Variants in TNKS observed in about 807,000 individuals in gnomAD.
TNKS encodes the protein tankyrase.
TNKS carries 72 observed loss-of-function variants against 135.8 expected under a neutral mutation model. The observed-to-expected ratio is 0.53, with a 90% CI of 0.44 to 0.64. TNKS has a LOEUF of 0.64. TNKS is among the 30% of genes least tolerant of loss of function. The pLI, the probability that TNKS is intolerant of heterozygous loss-of-function variation, is 0.00. For synonymous variants in TNKS, 849 were observed against 649.3 expected, an observed-to-expected ratio of 1.31 and a Z score of -4.68; for missense variants, 1,769 against 1,674.0, an observed-to-expected ratio of 1.06 and a Z score of -0.99.
At chr8:9,630,551 G>C (rs549197946) in intron 3 of TNKS, among the ~76,000 whole-genome samples, 1 of 152,210 alleles carries the variant, frequency 6.6e-6, no homozygotes, top group South Asian at 2.1e-4. Context: ...TAATTAGATA[G>C]TTACAAAAAA....
At chr8:9,640,116 G>C (rs1305331209) in intron 3 of TNKS, among the ~76,000 whole-genome samples, 3 of 152,108 alleles carry the variant, frequency 2.0e-5, no homozygotes, top group Admixed American at 6.6e-5. Flanking sequence ...CAAAGTTAGG[G>C]TTTCCTTAAA....
intron 1 of TNKS, among the ~76,000 whole-genome samples, chr8:9,564,048 A>G (rs941075949): frequency 6.6e-6 from 1 of 152,222 alleles, no homozygotes; most frequent in African/African-American, 2.4e-5. Flanking sequence ...TTACAGTAGT[A>G]GCATTTAAAT....
rs1416429425 is a variant in TNKS, at chr8:9,656,821, T to C, written c.995-23130T>C. 5.0e-3 allele frequency among the ~76,000 whole-genome samples: 708 copies of C among 142,344 alleles called. 5 individuals are homozygous for C. Among genetic ancestry groups the C allele is most frequent in the African/African-American group, 0.018 (674 of 37,228 alleles). 93.4% of individuals were successfully genotyped at this position (142,344 alleles called of 152,430 possible). ...CTTGAGATTAGGGAGTGGTGACGAC[T>C]CTTAACGAGCATGCTGCCTTCAAGC... On this transcript the variant is annotated intron_variant, in intron 3 of 26. Coordinates refer to ENST00000310430, the MANE Select transcript of TNKS (RefSeq NM_003747.3).
At chr8:9,606,289 A>G (rs1235952334) in intron 2 of TNKS, among the ~76,000 whole-genome samples, 3 of 150,170 alleles carry the variant, frequency 2.0e-5, no homozygotes, top group African/African-American at 7.4e-5. Flanking sequence ...TGCTTTATTT[A>G]TGAGCTGTCT....
intron 14 of TNKS, among the ~76,000 whole-genome samples, chr8:9,732,556 G>C (rs1336248324): frequency 1.4e-5 from 2 of 147,412 alleles, no homozygotes; most frequent in Non-Finnish European, 3.0e-5. Flanking sequence ...CATTTTAACA[G>C]TTAGCATATT....
intron 18 of TNKS, among the ~76,000 whole-genome samples, chr8:9,748,754 G>A (rs4840437): frequency 0.58 from 87,838 of 152,070 alleles, 25,777 homozygotes; most frequent in Middle Eastern, 0.67. Flanking sequence ...TGATTGCTGC[G>A]TAACAAACTG....
chr8:9,710,355 G>C (rs1003353908), intron 11 of TNKS, 135 bp downstream of exon 11: 1 of 768,014 alleles, frequency 1.3e-6, no homozygotes, highest in East Asian at 2.7e-5. Flanking sequence ...TAAATTCATG[G>C]ATTCTCCTAT....
At chr8:9,657,985 C>T (rs1212726076) in intron 3 of TNKS, among the ~76,000 whole-genome samples, 1 of 69,410 alleles carries the variant, frequency 1.4e-5, no homozygotes, top group Non-Finnish European at 3.0e-5. Context: ...GGCAGAGGCG[C>T]TCCTCACATC....
At chr8:9,722,048 C>T (rs1279666411) in intron 12 of TNKS, among the ~76,000 whole-genome samples, 1 of 125,418 alleles carries the variant, frequency 8.0e-6, no homozygotes, top group African/African-American at 2.9e-5. Flanking sequence ...CAGAGCGAGA[C>T]TCCATCTCAA....
chr8:9,619,257 T>C (rs543313645), intron 3 of TNKS, among the ~76,000 whole-genome samples: 1 of 152,246 alleles, frequency 6.6e-6, no homozygotes, highest in South Asian at 2.1e-4. Context: ...CACATTTAAG[T>C]TAAAGGTGGT....
At chr8:9,564,900 C>T (rs757175631) in intron 1 of TNKS, among the ~76,000 whole-genome samples, 1 of 151,952 alleles carries the variant, frequency 6.6e-6, no homozygotes, top group Admixed American at 6.6e-5. Flanking sequence ...AATGGACTTT[C>T]AGTTTCTTGG....
intron 5 of TNKS, among the ~76,000 whole-genome samples, chr8:9,696,509 C>G (rs981411842): frequency 6.6e-6 from 1 of 152,144 alleles, no homozygotes; most frequent in Non-Finnish European, 1.5e-5. Flanking sequence ...CAAACTACCT[C>G]TCTTCACTGA....
At chr8:9,765,570 C>G in intron 23 of TNKS, 122 bp from the exon 24 acceptor site, 1 of 757,338 alleles carries the variant, frequency 1.3e-6, no homozygotes, top group Non-Finnish European at 2.1e-6. Flanking sequence ...AGCTTTATCA[C>G]TTTTAAATTA....
At chr8:9,636,718 G>T (rs978250012) in intron 3 of TNKS, among the ~76,000 whole-genome samples, 1 of 152,164 alleles carries the variant, frequency 6.6e-6, no homozygotes, top group African/African-American at 2.4e-5. Flanking sequence ...GATGACAATA[G>T]ATTCAGTGTT....
chr8:9,757,665 T>C (rs1444026537), intron 20 of TNKS, among the ~76,000 whole-genome samples: 1 of 152,206 alleles, frequency 6.6e-6, no homozygotes, highest in Admixed American at 6.5e-5. Context: ...GACCCACTTT[T>C]TGTTTCTTGG....
Position 9,659,537 on chromosome 8 carries a change from C to T in TNKS, c.995-20414C>T, listed in dbSNP as rs199763378. Among the ~76,000 whole-genome samples the T allele has an allele frequency of 1.4e-3, 211 of 152,130 alleles. 1 individual carries two copies. The highest frequency in any genetic ancestry group is 7.0e-3 in the East Asian group (36 of 5,178). On this transcript the variant is annotated intron_variant, in intron 3 of 26. Transcript: ENST00000310430. The stretch of plus-strand genomic sequence containing the variant: ...AAATAAAGATGTTCTTTGAAACCAA[C>T]GAGAACAAAGACACAACATACCAGA...
At chr8:9,594,441 A>G (rs566978708) in intron 2 of TNKS, among the ~76,000 whole-genome samples, 1 of 152,344 alleles carries the variant, frequency 6.6e-6, no homozygotes, top group African/African-American at 2.4e-5. Flanking sequence ...TAAATGCTTA[A>G]TGACCGTATC....
intron 5 of TNKS, among the ~76,000 whole-genome samples, chr8:9,682,802 T>C (rs913517961): frequency 1.6e-5 from 2 of 123,532 alleles, no homozygotes; most frequent in African/African-American, 5.8e-5. Flanking sequence ...TTTTTTGTTA[T>C]TATTACTAAT....
intron 2 of TNKS, among the ~76,000 whole-genome samples, chr8:9,594,380 T>C (rs1417105669): frequency 3.3e-5 from 5 of 152,170 alleles, no homozygotes; most frequent in Non-Finnish European, 7.3e-5. Context: ...TAAAATCAAT[T>C]ACAGTTTTAA....
Sources: allele counts gnomAD v4.1 joint callset (sites outside exome capture counted in the v4.1 genomes callset), GRCh38; gene constraint gnomAD v4.1.1; transcripts MANE v1.5; gene names NCBI Gene and HGNC (gene_info 2026-07-23, HGNC 2026-07-21).